TEX10: variants seen among roughly 807,000 people sequenced by gnomAD.
The protein encoded by TEX10 is testis expressed 10.
A neutral mutation model predicts 104.4 loss-of-function variants in TEX10; 24 were observed. The observed-to-expected ratio is 0.23, with a 90% CI of 0.17 to 0.32. The LOEUF (loss-of-function observed/expected upper bound fraction) is 0.32. TEX10 is among the 10% of genes least tolerant of loss of function. The probability of loss-of-function intolerance (pLI) is 1.00; values close to 1 mark genes in which losing one functional copy is unlikely to be tolerated. For synonymous variants in TEX10, 396 were observed against 393.4 expected (o/e 1.01, Z -0.08); for missense variants, 921 against 1,083.9 (o/e 0.85, Z 2.11).
chr9:100,337,296 A>G (rs1387139921), intron 5 of TEX10, among the ~76,000 whole-genome samples: 2 of 152,232 alleles, frequency 1.3e-5, no homozygotes, highest in Non-Finnish European at 2.9e-5. Context: ...AATTTCTTGA[A>G]TGATGATATG....
rs1835319405 is a variant in TEX10 at position 100,347,111 on chromosome 9, T to A, written c.476A>T (p.Asp159Val). 1.2e-6 allele frequency: 2 copies of A among 1,613,986 alleles called. No homozygotes were observed. The highest frequency in any genetic ancestry group is 1.7e-6 in the Non-Finnish European group (2 of 1,179,988). ...CAGAATGTCCAAAACTTTTAAAGAG[T>A]CCTCCTGAATTCCTTCAGTAATGTG... is the stretch of plus-strand genomic sequence containing the variant. Reference protein sequence around the residue: ...MTHITEGIQEDSLKVLDILLE... With the variant: ...MTHITEGIQEVSLKVLDILLE... The change falls in exon 3 of 15, where the codon GAC (aspartate) becomes GTC (valine). Residue 159 changes from aspartate to valine, a missense_variant. By Grantham distance (152) the Asp-to-Val change is radical (BLOSUM62 -3). This residue lies in a region of TEX10 where 50 missense variants were observed against 104.2 expected (regional missense o/e 0.48). Coordinates refer to ENST00000374902, the MANE Select transcript of TEX10 (RefSeq NM_017746.4).
intron 5 of TEX10, among the ~76,000 whole-genome samples, chr9:100,334,797 A>T (rs1834966929): frequency 6.6e-6 from 1 of 151,496 alleles, no homozygotes; most frequent in Non-Finnish European, 1.5e-5. Flanking sequence ...CCCAAGTATC[A>T]GGGGTTACAG....
At chr9:100,336,434 C>A (rs1241318122) in intron 5 of TEX10, among the ~76,000 whole-genome samples, 2 of 152,176 alleles carry the variant, frequency 1.3e-5, no homozygotes, top group East Asian at 3.9e-4. Flanking sequence ...ATTCGATTCT[C>A]ATAGGAGCAT....
chr9:100,348,242 G>A (rs1237827829), intron 2 of TEX10, among the ~76,000 whole-genome samples: 1 of 152,230 alleles, frequency 6.6e-6, no homozygotes, highest in Non-Finnish European at 1.5e-5. Flanking sequence ...ATCAGAGGTA[G>A]ATTAGTGATT....
intron 5 of TEX10, among the ~76,000 whole-genome samples, chr9:100,333,010 T>C (rs1834907631): frequency 6.6e-6 from 1 of 151,948 alleles, no homozygotes; most frequent in East Asian, 1.9e-4. Flanking sequence ...CTGTTTTTTG[T>C]TTTTTTGTTT....
chr9:100,330,240 T>C, intron 5 of TEX10, 71 bp from the exon 6 acceptor site: 1 of 1,167,012 alleles, frequency 8.6e-7, no homozygotes, highest in Non-Finnish European at 1.2e-6. Context: ...ATACTTAAAA[T>C]AATCTATCAA....
At chr9:100,335,125 T>C (rs960275650) in intron 5 of TEX10, among the ~76,000 whole-genome samples, 1 of 152,220 alleles carries the variant, frequency 6.6e-6, no homozygotes, top group Admixed American at 6.5e-5. Flanking sequence ...TCATAGTTCT[T>C]TGATATGCAG....
intron 11 of TEX10, among the ~76,000 whole-genome samples, chr9:100,314,034 A>G (rs9775014): frequency 0.44 from 67,086 of 151,000 alleles, 16,475 homozygotes; most frequent in East Asian, 0.89. Flanking sequence ...TACATTTGGC[A>G]GAATTCAGCT....
At chr9:100,305,839 G>A (rs542064755) in intron 13 of TEX10, 3 of 152,276 alleles carry the variant, frequency 2.0e-5, no homozygotes, top group Non-Finnish European at 4.4e-5. Flanking sequence ...TGGGAAGCCA[G>A]GAAAATGCAA....
intron 4 of TEX10, among the ~76,000 whole-genome samples, chr9:100,343,133 T>A: frequency 6.8e-6 from 1 of 147,116 alleles, no homozygotes. Flanking sequence ...TGAGACTCCG[T>A]CTCCAAAAAA....
At chr9:100,310,227 G>A in intron 12 of TEX10, 72 bp downstream of exon 12, 2 of 1,209,204 alleles carry the variant, frequency 1.7e-6, no homozygotes, top group South Asian at 1.3e-5. Flanking sequence ...TCTTTCTGGG[G>A]CTGTGGAAAA....
chr9:100,320,343 G>T lies in TEX10; in HGVS notation c.2124C>A (p.Val708=), dbSNP rs746540320. The T allele has an allele frequency of 9.3e-6, 15 of 1,613,236 alleles. No homozygotes were observed. The highest frequency in any genetic ancestry group is 1.3e-5 in the Non-Finnish European group (15 of 1,179,468). The change falls in exon 11 of 15, where the codon GTC becomes GTA. Residue 708 remains valine (V), a synonymous_variant. Coordinates refer to ENST00000374902, the MANE Select transcript of TEX10 (RefSeq NM_017746.4). ...GCACAGGGGAAAGCTGTGTCTGGAT[G>T]ACATGAGGAACTCCTCGAAGGCTCT... The part of the protein sequence containing the change: ...WLQSLRGVPH[V]IQTQLSPVLL...
chr9:100,320,815 T>C (rs1044674289), intron 10 of TEX10, among the ~76,000 whole-genome samples: 1 of 152,256 alleles, frequency 6.6e-6, no homozygotes, highest in Non-Finnish European at 1.5e-5. Flanking sequence ...GTTTCAAAAC[T>C]ACTCCATCCC....
chr9:100,345,319 G>A lies in TEX10; in HGVS notation c.1137+753C>T, dbSNP rs548994005. Among the ~76,000 whole-genome samples, 7 of 152,066 alleles carry A rather than the reference G, an allele frequency of 4.6e-5. No homozygotes were observed. In the South Asian group the frequency reaches 6.2e-4, roughly 14 times the overall value. Reference sequence around the variant, plus strand: ...TATCAAATACTACTTAATTTATCCCGTCTTATGCACCATACTGACTCATTC... The same window carrying A: ...TATCAAATACTACTTAATTTATCCCATCTTATGCACCATACTGACTCATTC... On this transcript the variant is annotated intron_variant, in intron 4 of 14. Coordinates refer to ENST00000374902, the MANE Select transcript of TEX10 (RefSeq NM_017746.4).
At chr9:100,344,234 C>T (rs1403511854) in intron 4 of TEX10, among the ~76,000 whole-genome samples, 1 of 152,152 alleles carries the variant, frequency 6.6e-6, no homozygotes, top group African/African-American at 2.4e-5. Flanking sequence ...ACAGTCTACG[C>T]AGTCTTTTAA....
rs1834816669 is a variant in TEX10 at position 100,330,043 on chromosome 9, C to A, written c.1377G>T (p.Met459Ile). 1 of 1,614,154 alleles carries A rather than the reference C, an allele frequency of 6.2e-7. No homozygotes were observed. The highest frequency in any genetic ancestry group is 8.5e-7 in the Non-Finnish European group (1 of 1,180,018). ...GGGTCTCTGTTACAAATTTCCTTAT[C>A]ATTTCTATCCAACTGCAATCCTTCT... The part of the protein sequence containing the change: ...TLQKDCSWIE[M>I]IRKFVTETLE... The change falls in exon 6 of 15, where the codon ATG becomes ATT. Residue 459 changes from methionine (M) to isoleucine (I), a missense_variant. This residue lies in a region of TEX10 where 753 missense variants were observed against 868.4 expected (regional missense o/e 0.87). Transcript: ENST00000374902.
At position 100,346,064 on chromosome 9, in the gene TEX10, G is replaced by A; in HGVS notation, c.1137+8C>T. On this transcript the variant is annotated splice_region_variant and intron_variant, in intron 4 of 14. Coordinates refer to ENST00000374902, the MANE Select transcript of TEX10 (RefSeq NM_017746.4). ...ATACTAAGAAAATAAAGAACCATTA[G>A]TTCTCACCAATTTATGGGTTTCATC... The A allele has an allele frequency of 6.2e-7, 1 of 1,608,140 alleles. No homozygotes were observed. Among genetic ancestry groups the A allele is most frequent in the East Asian group, 2.2e-5 (1 of 44,764 alleles).
chr9:100,308,858 C>T (rs1564202450), intron 12 of TEX10, among the ~76,000 whole-genome samples, 177 bp from the exon 13 acceptor site: 1 of 152,126 alleles, frequency 6.6e-6, no homozygotes, highest in Non-Finnish European at 1.5e-5. Context: ...GAATTTAATC[C>T]CTAAATTATA....
At chr9:100,351,363 T>TTAAA (rs1453471900) in intron 1 of TEX10, among the ~76,000 whole-genome samples, 4 of 23,550 alleles carry the variant, frequency 1.7e-4, no homozygotes, top group Admixed American at 4.7e-4. Context: ...ACCTTAGTCT[T>TTAAA]AAAAAACAAA....
Sources: allele counts gnomAD v4.1 joint callset (sites outside exome capture counted in the v4.1 genomes callset), GRCh38; gene constraint gnomAD v4.1.1; regional missense constraint gnomAD v4.1.1; transcripts MANE v1.5; gene names NCBI Gene and HGNC (gene_info 2026-07-23, HGNC 2026-07-21).